SPTBN1: variants seen among roughly 807,000 people sequenced by gnomAD.
The protein encoded by SPTBN1 is spectrin beta chain, non-erythrocytic 1.
SPTBN1 carries 32 observed loss-of-function variants against 266.4 expected under a neutral mutation model. The ratio of observed to expected loss-of-function variants is 0.12; its 90% CI spans 0.09 to 0.16. The LOEUF is 0.16. Ranked by LOEUF, SPTBN1 falls within the 10% of genes least tolerant of loss-of-function variation. The probability of loss-of-function intolerance (pLI) is 1.00; values close to 1 mark genes in which losing one functional copy is unlikely to be tolerated. For missense variants in SPTBN1, 2,296 were observed against 3,067.1 expected (o/e 0.75, Z 5.94); for synonymous variants, 1,336 against 1,162.2 (o/e 1.15, Z -3.04).
At chr2:54,495,865 T>C (rs536103611) in intron 1 of SPTBN1, among the ~76,000 whole-genome samples, 1 of 152,298 alleles carries the variant, frequency 6.6e-6, no homozygotes, top group South Asian at 2.1e-4. Flanking sequence ...AATTACTTTA[T>C]TAAAAAGCAA....
intron 17 of SPTBN1, among the ~76,000 whole-genome samples, chr2:54,634,886 G>C (rs1485770780): frequency 6.6e-6 from 1 of 152,198 alleles, no homozygotes; most frequent in Non-Finnish European, 1.5e-5. Flanking sequence ...ACTGTCCTCA[G>C]CCTGCCCCAG....
At chr2:54,569,086 T>C (rs1054581566) in intron 2 of SPTBN1, among the ~76,000 whole-genome samples, 2 of 152,218 alleles carry the variant, frequency 1.3e-5, no homozygotes, top group African/African-American at 4.8e-5. Flanking sequence ...GGTGAAACTT[T>C]AAAATTACTG....
intron 2 of SPTBN1, among the ~76,000 whole-genome samples, chr2:54,545,843 C>G (rs1042559287): frequency 6.6e-6 from 1 of 152,132 alleles, no homozygotes. Flanking sequence ...AGTTAGCATG[C>G]TAACGGGCTG....
At chr2:54,661,851 A>G in intron 32 of SPTBN1, 1 of 985,442 alleles carries the variant, frequency 1.0e-6, no homozygotes, top group Non-Finnish European at 1.2e-6. Flanking sequence ...ACAAGAAAAG[A>G]GTGCTATGAT....
intron 2 of SPTBN1, among the ~76,000 whole-genome samples, chr2:54,536,881 A>C (rs1671637751): frequency 6.6e-6 from 1 of 151,994 alleles, no homozygotes; most frequent in Non-Finnish European, 1.5e-5. Flanking sequence ...AAAGTAAAAA[A>C]AATTAGCTGA....
intron 1 of SPTBN1, among the ~76,000 whole-genome samples, chr2:54,500,011 T>G (rs1285532756): frequency 2.6e-5 from 4 of 152,378 alleles, no homozygotes; most frequent in African/African-American, 9.6e-5. Context: ...GGAATTATAA[T>G]TCTTTTTACG....
chr2:54,625,072 C>T, intron 11 of SPTBN1, 110 bp downstream of exon 11: 2 of 1,357,402 alleles, frequency 1.5e-6, no homozygotes, highest in Non-Finnish European at 2.0e-6. Flanking sequence ...ATTCATTATT[C>T]TGGAGGAACG....
chr2:54,500,086 T>G lies in SPTBN1; in HGVS notation c.-47-26286T>G, dbSNP rs147783657. ...TGTTTTTCTGTGATCTGTAATCTAC[T>G]AAAAGTGAGAGAATGAACAAATGTT... On this transcript the variant is annotated intron_variant, in intron 1 of 35. Transcript: ENST00000356805. Among the ~76,000 whole-genome samples, 32 of 152,372 alleles carry G rather than the reference T, an allele frequency of 2.1e-4. 1 individual carries two copies. The East Asian group carries it at 4.8e-3, about 23-fold the overall frequency.
intron 2 of SPTBN1, among the ~76,000 whole-genome samples, chr2:54,542,666 C>G (rs1174866361): frequency 6.6e-6 from 1 of 152,134 alleles, no homozygotes; most frequent in African/African-American, 2.4e-5. Flanking sequence ...TTTTAGGGGA[C>G]TGTTGTGTTC....
chr2:54,563,657 G>A (rs1277865021), intron 2 of SPTBN1, among the ~76,000 whole-genome samples: 4 of 125,738 alleles, frequency 3.2e-5, no homozygotes, highest in Non-Finnish European at 6.3e-5. Context: ...AGGCTGGAGT[G>A]CAGTGGCGCG....
chr2:54,622,903 A>G (rs1358826407), intron 9 of SPTBN1, among the ~76,000 whole-genome samples: 1 of 152,258 alleles, frequency 6.6e-6, no homozygotes, highest in African/African-American at 2.4e-5. Context: ...ATGTGTAAAT[A>G]TTCACATTGC....
chr2:54,619,065 C>G (rs908619974), intron 7 of SPTBN1, among the ~76,000 whole-genome samples: 5 of 152,168 alleles, frequency 3.3e-5, no homozygotes, highest in African/African-American at 1.2e-4. Flanking sequence ...TATAGATCCT[C>G]TCAGCTGTGA....
At chr2:54,484,583 A>G (rs1341498682) in intron 1 of SPTBN1, among the ~76,000 whole-genome samples, 1 of 152,248 alleles carries the variant, frequency 6.6e-6, no homozygotes, top group Admixed American at 6.5e-5. Context: ...GCCAGCGTTG[A>G]TGACAAGTGT....
rs2971881 is a variant in SPTBN1 at position 54,643,275 on chromosome 2, G to A, written c.4005+146G>A. The A allele has an allele frequency of 9.0e-4, 1,119 of 1,238,332 alleles. 1 individual carries two copies. Among genetic ancestry groups the A allele is most frequent in the Non-Finnish European group, 1.1e-3 (1,053 of 919,084 alleles). 76.7% of individuals were successfully genotyped at this position (1,238,332 alleles called of 1,614,324 possible). The stretch of plus-strand genomic sequence containing the variant: ...CAGCCAGTAATAGCTCCCTTTGCAC[G>A]TACGGGTTCCTGACTTCAACCCATC... On this transcript the variant is annotated intron_variant, in intron 19 of 35. Transcript: ENST00000356805.
rs1305611152 is a variant in SPTBN1 at position 54,554,466 on chromosome 2, C to T, written c.148+27900C>T. On this transcript the variant is annotated intron_variant, in intron 2 of 35. Coordinates refer to ENST00000356805, the MANE Select transcript of SPTBN1 (RefSeq NM_003128.3). This position sits in a 1 kb window ranked among gnomAD's most constrained non-coding sequence, Gnocchi z 4.5. The stretch of plus-strand genomic sequence containing the variant: ...GATGGTTCTGGTTATTACGGCCATT[C>T]AGTTTAAGTGGAGATTGATGATAAC... Among the ~76,000 whole-genome samples, 1 of 152,136 alleles carries T rather than the reference C, an allele frequency of 6.6e-6. No homozygotes were observed. Among genetic ancestry groups the T allele is most frequent in the Non-Finnish European group, 1.5e-5 (1 of 68,020 alleles).
At chr2:54,534,705 TCTC>T (rs1671498612) in intron 2 of SPTBN1, among the ~76,000 whole-genome samples, 1 of 152,182 alleles carries the variant, frequency 6.6e-6, no homozygotes, top group African/African-American at 2.4e-5. Context: ...TTGGATTCCT[TCTC>T]CTGTTCTACC....
At chr2:54,623,781 G>T (rs1452034790) in intron 10 of SPTBN1, among the ~76,000 whole-genome samples, 185 bp downstream of exon 10, 1 of 152,206 alleles carries the variant, frequency 6.6e-6, no homozygotes, top group Non-Finnish European at 1.5e-5. Context: ...GGGTTAGGCT[G>T]CTGGAGGCTT....
Position 54,644,375 on chromosome 2 carries a change from A to T in SPTBN1, c.4058A>T (p.Glu1353Val), listed in dbSNP as rs1408268853. The T allele has an allele frequency of 1.2e-6, 2 of 1,613,952 alleles. No homozygotes were observed. Among genetic ancestry groups the T allele is most frequent in the Admixed American group, 1.7e-5 (1 of 60,008 alleles). The change falls in exon 20 of 36, where the codon GAG becomes GTG. Residue 1353 changes from glutamate to valine, a missense_variant. This residue lies in a region of SPTBN1 where 386 missense variants were observed against 486.1 expected (regional missense o/e 0.79). Transcript: ENST00000356805. ...CCTGAGACGGAAGCTGTGGTGAAGG[A>T]GAAACTCACTGGTTTACATAAAATG... Reference protein sequence around the residue: ...EKPETEAVVKEKLTGLHKMWE... With the variant: ...EKPETEAVVKVKLTGLHKMWE...
chr2:54,530,772 T>C (rs1443850322), intron 2 of SPTBN1, among the ~76,000 whole-genome samples: 2 of 152,228 alleles, frequency 1.3e-5, no homozygotes, highest in Non-Finnish European at 2.9e-5. Context: ...TTGTTCTGGG[T>C]TCCTGGCATA....
Sources: gnomAD v4.1 joint callset for allele counts (sites outside exome capture counted in the v4.1 genomes callset) on GRCh38, gnomAD v4.1.1 for gene constraint, gnomAD v4.1.1 regional missense constraint, Gnocchi (gnomAD v3.1) non-coding constraint, MANE v1.5 for transcripts, NCBI Gene and HGNC (gene_info 2026-07-23, HGNC 2026-07-21) for gene names.